GARNL3: variants seen among roughly 807,000 people sequenced by gnomAD.
GARNL3 encodes GTPase activating Rap/RanGAP domain like 3, also known as GTPase-activating Rap/Ran-GAP domain-like protein 3.
GARNL3 carries 63 observed loss-of-function variants against 125.0 expected under a neutral mutation model. The ratio of observed to expected loss-of-function variants is 0.50; its 90% confidence interval spans 0.41 to 0.62. The LOEUF is 0.62. Among genes scored for constraint, GARNL3 ranks in the 20% least tolerant of loss-of-function variants. GARNL3 has a pLI of 0.00. For missense variants in GARNL3, 994 were observed against 1,244.0 expected, an observed-to-expected ratio of 0.80 and a Z score of 3.02; for synonymous variants, 439 against 457.5, an observed-to-expected ratio of 0.96 and a Z score of 0.52.
chr9:127,289,396 G>A (rs1182653875), intron 1 of GARNL3, among the ~76,000 whole-genome samples: 1 of 152,218 alleles, frequency 6.6e-6, no homozygotes, highest in Non-Finnish European at 1.5e-5. Flanking sequence ...CAAGGGAAGA[G>A]GTGCATGGGA....
At chr9:127,231,229 T>TTTG (rs1554887541) in intron 1 of GARNL3, among the ~76,000 whole-genome samples, 7 of 18,040 alleles carry the variant, frequency 3.9e-4, no homozygotes, top group Admixed American at 1.1e-3. Flanking sequence ...TAATTTTTTG[T>TTTG]TTTTTTTTTT....
At position 127,303,532 on chromosome 9, in the gene GARNL3, A is replaced by G. The variant is rs923137254; in HGVS notation, c.220-8104A>G. Among the ~76,000 whole-genome samples the G allele has an allele frequency of 2.1e-5, 3 of 144,912 alleles. No individual in the cohort carries two copies. The South Asian group carries it at 6.2e-4, about 30-fold the overall frequency. ...TCATGCTTACATTTGTAATTTTTTAAAAGTTTTAGTTTGTTTTTTAAAAGA... is the reference window on the plus strand; with the variant it reads ...TCATGCTTACATTTGTAATTTTTTAGAAGTTTTAGTTTGTTTTTTAAAAGA... On this transcript the variant is annotated intron_variant, in intron 2 of 27. Coordinates refer to ENST00000373387, the MANE Select transcript of GARNL3 (RefSeq NM_032293.5).
Position 127,318,056 on chromosome 9 carries a change from T to C in GARNL3, c.439-7T>C, listed in dbSNP as rs1242001604. On this transcript the variant is annotated splice_polypyrimidine_tract_variant and splice_region_variant and intron_variant, in intron 4 of 27. Coordinates refer to ENST00000373387, the MANE Select transcript of GARNL3 (RefSeq NM_032293.5). ...TTGTCACTGATTTGATGTTTGGACT[T>C]TTCCAGGGTACCCAGAAAATATGCC... 3 of 1,590,704 alleles carry C rather than the reference T, an allele frequency of 1.9e-6. No homozygotes were observed. Among genetic ancestry groups the C allele is most frequent in the Non-Finnish European group, 2.6e-6 (3 of 1,158,694 alleles).
chr9:127,356,981 C>G (rs1195672686), intron 20 of GARNL3, among the ~76,000 whole-genome samples: 1 of 152,254 alleles, frequency 6.6e-6, no homozygotes, highest in Non-Finnish European at 1.5e-5. Context: ...TAATTGTTTC[C>G]TGGCCTCGAC....
At chr9:127,239,845 C>CT (rs1308593227) in intron 1 of GARNL3, among the ~76,000 whole-genome samples, 3 of 151,888 alleles carry the variant, frequency 2.0e-5, no homozygotes, top group Non-Finnish European at 4.4e-5. Context: ...AAAAAGAACT[C>CT]TAAGAGTAAC....
At chr9:127,256,692 T>G (rs1002128273) in intron 2 of GARNL3, among the ~76,000 whole-genome samples, 1 of 152,188 alleles carries the variant, frequency 6.6e-6, no homozygotes, top group African/African-American at 2.4e-5. Context: ...TTGAGATAAT[T>G]ATAGATTCAT....
At chr9:127,261,664 C>T (rs1373953982), upstream of GARNL3, among the ~76,000 whole-genome samples, 4 of 152,126 alleles carry the variant, frequency 2.6e-5, no homozygotes, top group African/African-American at 7.2e-5. Context: ...CCGCCCCCTT[C>T]GGCCTCCCAA....
At chr9:127,224,868 C>A (rs547797288) in intron 1 of GARNL3, among the ~76,000 whole-genome samples, 1 of 138,690 alleles carries the variant, frequency 7.2e-6, no homozygotes, top group African/African-American at 2.7e-5. Flanking sequence ...CGGCAAGAAC[C>A]CCGCGGGGCT....
chr9:127,296,865 T>C (rs1340089645), intron 2 of GARNL3, among the ~76,000 whole-genome samples: 2 of 151,780 alleles, frequency 1.3e-5, no homozygotes, highest in East Asian at 3.9e-4. Context: ...GAGCTGAAAG[T>C]TCCAAGTTTC....
chr9:127,249,369 A>G (rs2063360461), intron 2 of GARNL3, among the ~76,000 whole-genome samples: 1 of 151,952 alleles, frequency 6.6e-6, no homozygotes, highest in African/African-American at 2.4e-5. Flanking sequence ...GGATCACTTG[A>G]GCCCAGGAGT....
chr9:127,257,040 G>T (rs2063506919), intron 2 of GARNL3, among the ~76,000 whole-genome samples: 2 of 152,290 alleles, frequency 1.3e-5, no homozygotes, highest in South Asian at 4.1e-4. Flanking sequence ...AACCTTTTGG[G>T]ATGGACATTT....
intron 9 of GARNL3, among the ~76,000 whole-genome samples, chr9:127,333,361 A>G (rs1829372831): frequency 6.6e-6 from 1 of 152,190 alleles, no homozygotes; most frequent in Non-Finnish European, 1.5e-5. Flanking sequence ...TGGTCTGCCC[A>G]TGAATATTAC....
At position 127,389,006 on chromosome 9, in the gene GARNL3, C is replaced by T. The variant is rs1832692679; in HGVS notation, c.2630C>T (p.Thr877Ile). The stretch of plus-strand genomic sequence containing the variant: ...TCACCCTTAGTCTCCAAGGTCATCA[C>T]CCCACCCACTCCCATCAGTGTGGGC... ...LKSPLVSKVI[T>I]PPTPISVGLA... is the part of the protein sequence containing the mutation. Residue 877 changes from threonine to isoleucine, a missense_variant, in exon 26 of 28, where the codon ACC becomes ATC. This residue lies in a region of GARNL3 where 728 missense variants were observed against 865.7 expected (regional missense o/e 0.84). Coordinates refer to ENST00000373387, the MANE Select transcript of GARNL3 (RefSeq NM_032293.5). 6.2e-7 allele frequency: 1 copy of T among 1,613,444 alleles called. No individual in the cohort carries two copies. Among genetic ancestry groups the T allele is most frequent in the Non-Finnish European group, 8.5e-7 (1 of 1,179,470 alleles).
intron 22 of GARNL3, among the ~76,000 whole-genome samples, chr9:127,377,086 G>A (rs1417352070): frequency 6.6e-6 from 1 of 152,148 alleles, no homozygotes; most frequent in Admixed American, 6.5e-5. Context: ...GATTAGATGA[G>A]TGATTTGCCA....
At chr9:127,308,907 G>C (rs1347566992) in intron 2 of GARNL3, among the ~76,000 whole-genome samples, 1 of 152,154 alleles carries the variant, frequency 6.6e-6, no homozygotes, top group African/African-American at 2.4e-5. Flanking sequence ...TGGGGGTTGT[G>C]AACAAATGAG....
chr9:127,392,360 G>C lies in GARNL3; in HGVS notation c.2871-723G>C, dbSNP rs1196789347. ...AGGTCTACTCTGAGAGAGGGGTCAAGGAAAGCTTTTTGAGGAAGTAGCATT... is the reference window on the plus strand; with the variant it reads ...AGGTCTACTCTGAGAGAGGGGTCAACGAAAGCTTTTTGAGGAAGTAGCATT... On this transcript the variant is annotated intron_variant, in intron 27 of 27. Transcript: ENST00000373387. The surrounding 1 kb of genome is among the most constrained non-coding windows in gnomAD (Gnocchi z 5.2). 6.6e-6 allele frequency among the ~76,000 whole-genome samples: 1 copy of C among 152,262 alleles called. No homozygotes were observed. The highest frequency in any genetic ancestry group is 1.5e-5 in the Non-Finnish European group (1 of 68,046).
intron 21 of GARNL3, among the ~76,000 whole-genome samples, chr9:127,358,839 T>C (rs1830823247): frequency 6.6e-6 from 1 of 152,180 alleles, no homozygotes; most frequent in Non-Finnish European, 1.5e-5. Flanking sequence ...CCCCAGATAA[T>C]TGTAATATTT....
At chr9:127,275,779 C>T (rs1285837979) in intron 1 of GARNL3, among the ~76,000 whole-genome samples, 2 of 152,168 alleles carry the variant, frequency 1.3e-5, no homozygotes, top group Non-Finnish European at 2.9e-5. Flanking sequence ...CTATTTTACA[C>T]ATGTAATTAA....
At chr9:127,336,045 T>G in intron 10 of GARNL3, 83 bp from the exon 11 acceptor site, 1 of 989,188 alleles carries the variant, frequency 1.0e-6, no homozygotes, top group Non-Finnish European at 1.6e-6. Context: ...TGTGGTTTGT[T>G]ATATTGGGTT....
Sources: gnomAD v4.1 joint callset for allele counts (sites outside exome capture counted in the v4.1 genomes callset) on GRCh38, gnomAD v4.1.1 for gene constraint, gnomAD v4.1.1 regional missense constraint, Gnocchi (gnomAD v3.1) non-coding constraint, MANE v1.5 for transcripts, NCBI Gene and HGNC (gene_info 2026-07-23, HGNC 2026-07-21) for gene names.